The following TTBK2 variants were observed in gnomAD, a reference collection of about 807,000 sequenced individuals.
The protein encoded by TTBK2 is tau tubulin kinase 2, also known as tau-tubulin kinase 2.
TTBK2 carries 28 observed loss-of-function variants against 110.8 expected under a neutral mutation model. That is an observed-to-expected ratio of 0.25 (90% CI 0.19 to 0.35). The LOEUF is 0.35. Among genes scored for constraint, TTBK2 ranks in the 10% least tolerant of loss-of-function variants. TTBK2 has a pLI of 1.00. For missense variants in TTBK2, 1,369 were observed against 1,500.3 expected (o/e 0.91, Z 1.45); for synonymous variants, 532 against 527.3 (o/e 1.01, Z -0.12).
chr15:42,844,715 G>GT (rs1893375842), intron 3 of TTBK2, among the ~76,000 whole-genome samples: 1 of 152,160 alleles, frequency 6.6e-6, no homozygotes, highest in South Asian at 2.1e-4. Context: ...GCCTAGGGAG[G>GT]TTACTTTGTC....
intron 3 of TTBK2, among the ~76,000 whole-genome samples, chr15:42,852,262 T>C (rs556359619): frequency 2.2e-4 from 34 of 151,860 alleles, no homozygotes; most frequent in Admixed American, 2.1e-3. Flanking sequence ...AGAGACGGGG[T>C]TTTACCATGT....
intron 10 of TTBK2, among the ~76,000 whole-genome samples, chr15:42,789,452 G>C (rs1381776945): frequency 6.6e-6 from 1 of 152,172 alleles, no homozygotes; most frequent in Non-Finnish European, 1.5e-5. Flanking sequence ...AGCTGAATAA[G>C]GTCGGGTGTA....
chr15:42,839,735 T>C (rs1417962006), intron 4 of TTBK2, among the ~76,000 whole-genome samples: 3 of 152,186 alleles, frequency 2.0e-5, no homozygotes, highest in African/African-American at 7.2e-5. Context: ...TTTTTGGCCA[T>C]ATATATGTCT....
chr15:42,787,770 T>A (rs1303699720), intron 10 of TTBK2, among the ~76,000 whole-genome samples: 1 of 152,166 alleles, frequency 6.6e-6, no homozygotes, highest in Admixed American at 6.5e-5. Context: ...TACATTATCA[T>A]TTTTTTCTAT....
rs971009246 is a variant in TTBK2 at position 42,743,610 on chromosome 15, G to A, written c.*2185C>T. On this transcript the variant is annotated 3_prime_UTR_variant, in exon 15 of 15. Coordinates refer to ENST00000267890, the MANE Select transcript of TTBK2 (RefSeq NM_173500.4). ...TTTTTAAGAAATGTTTTAAAAATCTGTCAGACTCATCATCATCCCAGTTTA... is the reference window on the plus strand; with the variant it reads ...TTTTTAAGAAATGTTTTAAAAATCTATCAGACTCATCATCATCCCAGTTTA... The A allele has an allele frequency of 6.6e-6, 1 of 152,166 alleles. No individual in the cohort carries two copies. The highest frequency in any genetic ancestry group is 1.5e-5 in the Non-Finnish European group (1 of 68,030). The allele number at this position is 152,166 out of a possible 1,614,324, so 9.4% of individuals were successfully genotyped here.
At chr15:42,826,655 C>A (rs926930892) in intron 6 of TTBK2, among the ~76,000 whole-genome samples, 6 of 152,312 alleles carry the variant, frequency 3.9e-5, no homozygotes, top group Non-Finnish European at 8.8e-5. Flanking sequence ...CTCAAATTTT[C>A]TGTACTCATT....
At chr15:42,813,674 G>A (rs532634470) in intron 7 of TTBK2, among the ~76,000 whole-genome samples, 89 of 151,910 alleles carry the variant, frequency 5.9e-4, no homozygotes, top group Non-Finnish European at 7.9e-4. Context: ...GTGAAACCCC[G>A]TCTCTATTAA....
At chr15:42,882,180 A>AG (rs1895076048) in intron 1 of TTBK2, among the ~76,000 whole-genome samples, 1 of 152,064 alleles carries the variant, frequency 6.6e-6, no homozygotes. Context: ...AAGGAAAAAA[A>AG]CAACAGATTG....
chr15:42,888,593 T>G (rs963253099), intron 1 of TTBK2, among the ~76,000 whole-genome samples: 1 of 152,136 alleles, frequency 6.6e-6, no homozygotes, highest in African/African-American at 2.4e-5. Context: ...CTCATTGCCT[T>G]AACTCGGGCC....
chr15:42,753,124 T>C lies in TTBK2; in HGVS notation c.2122A>G (p.Arg708Gly), dbSNP rs2061893270. The C allele has an allele frequency of 6.3e-7, 1 of 1,598,194 alleles. No homozygotes were observed. Among genetic ancestry groups the C allele is most frequent in the South Asian group, 1.1e-5 (1 of 87,840 alleles). Residue 708 changes from arginine to glycine, a missense_variant, in exon 14 of 15, where the codon AGG (arginine) becomes GGG (glycine). Arg to Gly is a moderately radical substitution (Grantham distance 125, BLOSUM62 -2). Coordinates refer to ENST00000267890, the MANE Select transcript of TTBK2 (RefSeq NM_173500.4). ...ACAACCAAGCCAGAGAAGTTTTCCC[T>C]TGGAGAGTAAAGTTCCACAGTGGGC... ...MEPTVELYSP[R>G]ENFSGLVVTE... is the part of the protein sequence containing the mutation.
intron 3 of TTBK2, among the ~76,000 whole-genome samples, chr15:42,861,535 T>C (rs1390031477): frequency 6.6e-6 from 1 of 152,054 alleles, no homozygotes; most frequent in African/African-American, 2.4e-5. Context: ...AAAAAAATCA[T>C]TGAAATTAAT....
At chr15:42,913,150 AAAAAAG>A (rs1236186434) in intron 1 of TTBK2, among the ~76,000 whole-genome samples, 1 of 151,204 alleles carries the variant, frequency 6.6e-6, no homozygotes, top group Non-Finnish European at 1.5e-5. Flanking sequence ...AAAAAAAAAA[AAAAAAG>A]AGCTCCTCTG....
intron 3 of TTBK2, among the ~76,000 whole-genome samples, chr15:42,849,143 T>C (rs1477297597): frequency 6.6e-6 from 1 of 152,162 alleles, no homozygotes; most frequent in Non-Finnish European, 1.5e-5. Context: ...CATAGGTCAC[T>C]GAGGCTCTGT....
intron 1 of TTBK2, among the ~76,000 whole-genome samples, chr15:42,895,809 T>C (rs999608253): frequency 1.3e-5 from 2 of 151,962 alleles, no homozygotes; most frequent in Non-Finnish European, 2.9e-5. Flanking sequence ...AGTGCTGGGA[T>C]TACAGGTGTG....
intron 1 of TTBK2, among the ~76,000 whole-genome samples, chr15:42,879,538 G>A (rs1041352343): frequency 6.6e-6 from 1 of 151,660 alleles, no homozygotes; most frequent in Non-Finnish European, 1.5e-5. Flanking sequence ...GCCACATACT[G>A]TATTCTCTGT....
At chr15:42,866,984 C>G (rs772743882) in intron 3 of TTBK2, among the ~76,000 whole-genome samples, 4 of 152,138 alleles carry the variant, frequency 2.6e-5, no homozygotes, top group Non-Finnish European at 4.4e-5. Flanking sequence ...GTGGCTCACG[C>G]CTGTAATCCC....
chr15:42,824,546 T>C (rs1275985200), intron 6 of TTBK2, among the ~76,000 whole-genome samples: 1 of 152,172 alleles, frequency 6.6e-6, no homozygotes, highest in African/African-American at 2.4e-5. Context: ...AAAAAATGCT[T>C]AAAGTAATAT....
intron 13 of TTBK2, among the ~76,000 whole-genome samples, chr15:42,763,140 A>G (rs1474190570): frequency 3.4e-5 from 3 of 88,222 alleles, no homozygotes; most frequent in African/African-American, 1.4e-4. Flanking sequence ...ACATATATAC[A>G]TACATATATA....
intron 3 of TTBK2, among the ~76,000 whole-genome samples, chr15:42,868,872 A>C (rs1894495129): frequency 6.8e-6 from 1 of 145,988 alleles, no homozygotes; most frequent in Non-Finnish European, 1.6e-5. Flanking sequence ...AAAATAAATA[A>C]ATAAATAAAT....
Sources: allele counts gnomAD v4.1 joint callset (sites outside exome capture counted in the v4.1 genomes callset), GRCh38; gene constraint gnomAD v4.1.1; transcripts MANE v1.5; gene names NCBI Gene and HGNC (gene_info 2026-07-23, HGNC 2026-07-21).